The following ABHD2 variants were observed in gnomAD, a reference collection of about 807,000 sequenced individuals.
ABHD2 encodes the protein monoacylglycerol lipase ABHD2.
In ABHD2, 20 loss-of-function variants were observed where a neutral mutation model predicts 48.1. That is an observed-to-expected ratio of 0.42 (90% CI 0.29 to 0.60). The LOEUF is 0.60. ABHD2 is among the 20% of genes least tolerant of loss of function. The pLI is 0.24. For missense variants in ABHD2, 405 were observed against 550.9 expected, an observed-to-expected ratio of 0.74 and a Z score of 2.65; for synonymous variants, 209 against 214.2, an observed-to-expected ratio of 0.98 and a Z score of 0.21.
the ABHD2 span, among the ~76,000 whole-genome samples, chr15:89,065,375 A>G: frequency 2.7e-3 from 414 of 152,304 alleles, 3 homozygotes; most frequent in African/African-American, 9.0e-3. Flanking sequence ...GGAGGCTTCA[A>G]CAGAATTGTC....
chr15:89,044,370 G>T, the ABHD2 span, among the ~76,000 whole-genome samples: 1 of 152,170 alleles, frequency 6.6e-6, no homozygotes, highest in Non-Finnish European at 1.5e-5. Context: ...ACATAGGTGT[G>T]CATGTGTCTT....
rs921598428 is a variant in ABHD2, at chr15:89,094,656, C to A, written c.-107+6093C>A. ...CCAGGAGGCAGAGGCTGCCGTGAGC[C>A]AAGATCGCACCACTGCACTCCAGCC... is the stretch of plus-strand genomic sequence containing the variant. On this transcript the variant is annotated intron_variant, in intron 1 of 10. Coordinates refer to ENST00000352732, the MANE Select transcript of ABHD2 (RefSeq NM_152924.5). The surrounding 1 kb of genome is among the most constrained non-coding windows in gnomAD (Gnocchi z 4.7). Among the ~76,000 whole-genome samples the A allele has an allele frequency of 6.6e-6, 1 of 152,050 alleles. No homozygotes were observed. Among genetic ancestry groups the A allele is most frequent in the Non-Finnish European group, 1.5e-5 (1 of 68,022 alleles).
intron 3 of ABHD2, among the ~76,000 whole-genome samples, chr15:89,148,569 C>T (rs902425953): frequency 1.3e-5 from 2 of 152,196 alleles, no homozygotes; most frequent in African/African-American, 4.8e-5. Flanking sequence ...ACGCACATAC[C>T]TCTCAGTTCC....
At chr15:89,095,674 C>T (rs1436188259) in intron 1 of ABHD2, among the ~76,000 whole-genome samples, 1 of 152,212 alleles carries the variant, frequency 6.6e-6, no homozygotes, top group Non-Finnish European at 1.5e-5. Flanking sequence ...AGCATGACCT[C>T]TCTTCCGTGT....
At chr15:89,051,415 A>G in the ABHD2 span, among the ~76,000 whole-genome samples, 1 of 152,214 alleles carries the variant, frequency 6.6e-6, no homozygotes, top group Admixed American at 6.5e-5. Flanking sequence ...ACAGCTCTCT[A>G]CAACCCAGGT....
upstream of ABHD2, among the ~76,000 whole-genome samples, chr15:89,083,618 G>A (rs918602104): frequency 4.6e-5 from 7 of 152,156 alleles, no homozygotes; most frequent in African/African-American, 1.7e-4. This position sits in a 1 kb window ranked among gnomAD's most constrained non-coding sequence, Gnocchi z 5.1. Flanking sequence ...CTGGTGGGAG[G>A]GAGGGCACTA....
intron 4 of ABHD2, among the ~76,000 whole-genome samples, chr15:89,152,239 C>T (rs2050605130): frequency 6.6e-6 from 1 of 152,084 alleles, no homozygotes; most frequent in Non-Finnish European, 1.5e-5. Context: ...CCACGCTCGG[C>T]TAATTTTTTT....
At chr15:89,101,410 G>A (rs558122726) in intron 1 of ABHD2, among the ~76,000 whole-genome samples, 1 of 152,322 alleles carries the variant, frequency 6.6e-6, no homozygotes, top group Admixed American at 6.5e-5. Flanking sequence ...CTGATGTACA[G>A]TGGCGTGGCA....
intron 6 of ABHD2, among the ~76,000 whole-genome samples, chr15:89,178,890 A>G (rs929788124): frequency 1.3e-5 from 2 of 152,212 alleles, no homozygotes; most frequent in African/African-American, 4.8e-5. Context: ...GTCTGGTTTC[A>G]GGTAAAATAA....
chr15:89,109,343 T>C (rs2049837627), intron 1 of ABHD2, among the ~76,000 whole-genome samples: 1 of 152,158 alleles, frequency 6.6e-6, no homozygotes, highest in South Asian at 2.1e-4. Flanking sequence ...GAATTCTGAC[T>C]ACCATTTACA....
In ABHD2 at chr15:89,189,268, T is replaced by C. The variant is rs376085519; in HGVS notation, c.926+965T>C. Among the ~76,000 whole-genome samples, 11 of 152,262 alleles carry C rather than the reference T, an allele frequency of 7.2e-5. No homozygotes were observed. In the East Asian group the frequency reaches 1.7e-3, roughly 24 times the overall value. ...GGGAGGCTGAGGCTGGAGGATCACATGAGGCAAGGAGTTTGAGACCAGCCT... is the reference window on the plus strand; with the variant it reads ...GGGAGGCTGAGGCTGGAGGATCACACGAGGCAAGGAGTTTGAGACCAGCCT... On this transcript the variant is annotated intron_variant, in intron 8 of 10. Transcript: ENST00000352732. This position sits in a 1 kb window ranked among gnomAD's most constrained non-coding sequence, Gnocchi z 4.9.
chr15:89,084,363 G>A (rs1238253005), upstream of ABHD2, among the ~76,000 whole-genome samples: 12 of 152,120 alleles, frequency 7.9e-5, no homozygotes, highest in African/African-American at 2.2e-4. This position sits in a 1 kb window ranked among gnomAD's most constrained non-coding sequence, Gnocchi z 4.4. Flanking sequence ...GCAGTGGTAC[G>A]ATCTTGGTTC....
chr15:89,140,755 TG>T (rs746338674), intron 3 of ABHD2, among the ~76,000 whole-genome samples: 1 of 152,178 alleles, frequency 6.6e-6, no homozygotes, highest in Non-Finnish European at 1.5e-5. Flanking sequence ...AGCACCTTAC[TG>T]TATCTTCACG....
rs1161104590 is a variant in ABHD2 at position 89,146,871 on chromosome 15, A to G, written c.195-4806A>G. ...GTCAATTATCTCCTAGGTAATATAT[A>G]TTTGTCGTGTTTCCAATCAAAAATC... On this transcript the variant is annotated intron_variant, in intron 3 of 10. Transcript: ENST00000352732. This position sits in a 1 kb window ranked among gnomAD's most constrained non-coding sequence, Gnocchi z 4.2. Among the ~76,000 whole-genome samples the G allele has an allele frequency of 6.6e-6, 1 of 152,186 alleles. No homozygotes were observed. The highest frequency in any genetic ancestry group is 6.5e-5 in the Admixed American group (1 of 15,276).
At chr15:89,083,222 G>A (rs573399492), upstream of ABHD2, among the ~76,000 whole-genome samples, 16 of 152,132 alleles carry the variant, frequency 1.1e-4, no homozygotes, top group African/African-American at 3.6e-4. This position sits in a 1 kb window ranked among gnomAD's most constrained non-coding sequence, Gnocchi z 5.1. Flanking sequence ...CGCCTTCTCC[G>A]GAAATAGTTT....
chr15:89,191,046 C>G (rs756909414), intron 8 of ABHD2, 34 bp from the exon 9 acceptor site: 6 of 1,607,358 alleles, frequency 3.7e-6, no homozygotes, highest in Non-Finnish European at 5.1e-6. Flanking sequence ...ATGTTTTGTC[C>G]TTTTTCTTTT....
In ABHD2 at chr15:89,104,470, C is replaced by T. The variant is rs142537517; in HGVS notation, c.-106-9255C>T. 2.0e-5 allele frequency among the ~76,000 whole-genome samples: 3 copies of T among 152,248 alleles called. No individual in the cohort carries two copies. The highest frequency in any genetic ancestry group is 1.9e-4 in the East Asian group (1 of 5,182). On this transcript the variant is annotated intron_variant, in intron 1 of 10. Coordinates refer to ENST00000352732, the MANE Select transcript of ABHD2 (RefSeq NM_152924.5). The surrounding 1 kb of genome is among the most constrained non-coding windows in gnomAD (Gnocchi z 4.4). ...ACTGTTAGAGTGATAATGGGCTGCA[C>T]GTGTTAATGCTGTCATCACGGGCCC... is the stretch of plus-strand genomic sequence containing the variant.
chr15:89,180,978 A>G (rs1235158901), intron 6 of ABHD2, among the ~76,000 whole-genome samples: 1 of 152,200 alleles, frequency 6.6e-6, no homozygotes, highest in Non-Finnish European at 1.5e-5. Flanking sequence ...CTGGAATCCC[A>G]GCACTTTGGG....
Position 89,102,439 on chromosome 15 carries a change from A to G in ABHD2, c.-106-11286A>G, listed in dbSNP as rs1279135964. ...TTCGTCCCTGTGGGGAGTGAGGTGGAATGTCAGGAGGGCGTAGTTTGCAAA... is the reference window on the plus strand; with the variant it reads ...TTCGTCCCTGTGGGGAGTGAGGTGGGATGTCAGGAGGGCGTAGTTTGCAAA... On this transcript the variant is annotated intron_variant, in intron 1 of 10. Coordinates refer to ENST00000352732, the MANE Select transcript of ABHD2 (RefSeq NM_152924.5). The surrounding 1 kb of genome is among the most constrained non-coding windows in gnomAD (Gnocchi z 4.8). 6.6e-6 allele frequency: 1 copy of G among 152,160 alleles called. No individual in the cohort carries two copies. Among genetic ancestry groups the G allele is most frequent in the Non-Finnish European group, 1.5e-5 (1 of 68,048 alleles). 9.4% of individuals were successfully genotyped at this position (152,160 alleles called of 1,614,324 possible).
Sources: allele counts gnomAD v4.1 joint callset (sites outside exome capture counted in the v4.1 genomes callset), GRCh38; gene constraint gnomAD v4.1.1; non-coding constraint Gnocchi (gnomAD v3.1); transcripts MANE v1.5; gene names NCBI Gene and HGNC (gene_info 2026-07-23, HGNC 2026-07-21).